DENND11: variants seen among roughly 807,000 people sequenced by gnomAD.
DENND11 encodes the protein DENN domain-containing protein 11.
In DENND11, 34 loss-of-function variants were observed where a neutral mutation model predicts 49.2. The ratio of observed to expected loss-of-function variants is 0.69; its 90% confidence interval spans 0.53 to 0.92. DENND11 has a LOEUF of 0.92. Among genes scored for constraint, DENND11 ranks in the 40% least tolerant of loss-of-function variants. DENND11 has a pLI of 0.00. For missense variants in DENND11, 475 were observed against 581.6 expected, an observed-to-expected ratio of 0.82 and a Z score of 1.88; for synonymous variants, 238 against 230.3, an observed-to-expected ratio of 1.03 and a Z score of -0.30.
chr7:141,661,606 CT>C lies in DENND11; in HGVS notation c.*1049del, dbSNP rs1797794699. On this transcript the variant is annotated 3_prime_UTR_variant, in exon 9 of 9. Transcript: ENST00000536163. Reference sequence around the variant, plus strand: ...TGAGGGGTCCAAAATGATAAACCGTCTTGTTAGCATCATGCTCCACCCTCTG... The same window carrying C: ...TGAGGGGTCCAAAATGATAAACCGTCTGTTAGCATCATGCTCCACCCTCTG... The C allele has an allele frequency of 6.6e-6, 1 of 152,240 alleles. No homozygotes were observed. Among genetic ancestry groups the C allele is most frequent in the South Asian group, 2.1e-4 (1 of 4,824 alleles). 9.4% of individuals were successfully genotyped at this position (152,240 alleles called of 1,614,324 possible).
intron 1 of DENND11, among the ~76,000 whole-genome samples, chr7:141,701,296 G>A (rs1381807382): frequency 6.6e-6 from 1 of 151,548 alleles, no homozygotes; most frequent in African/African-American, 2.4e-5. Flanking sequence ...TCAAAATAAT[G>A]CAGTCAGAGA....
rs1797765285 is a variant in DENND11, at chr7:141,660,028, T to C, written c.*2628A>G. 6.6e-6 allele frequency: 1 copy of C among 152,114 alleles called. No homozygotes were observed. Among genetic ancestry groups the C allele is most frequent in the Non-Finnish European group, 1.5e-5 (1 of 68,028 alleles). The allele number at this position is 152,114 out of a possible 1,614,324, so 9.4% of individuals were successfully genotyped here. The stretch of plus-strand genomic sequence containing the variant: ...ATCCTAGGTTGTGCCTGTTAATCTG[T>C]CATGTTGGGGAGCAGAATCTGGCAT... On this transcript the variant is annotated 3_prime_UTR_variant, in exon 9 of 9. Coordinates refer to ENST00000536163, the MANE Select transcript of DENND11 (RefSeq NM_001080392.2).
In DENND11 at chr7:141,657,031, A is replaced by G. The variant is rs1392765717; in HGVS notation, c.*5625T>C. 1.3e-5 allele frequency: 2 copies of G among 152,626 alleles called. No homozygotes were observed. Among genetic ancestry groups the G allele is most frequent in the Admixed American group, 1.3e-4 (2 of 15,282 alleles). 9.5% of individuals were successfully genotyped at this position (152,626 alleles called of 1,614,324 possible). ...ACTAATTTCATACTATGAGGTAAAG[A>G]CCCGAAACAAAAATAGATTCAGTCT... On this transcript the variant is annotated 3_prime_UTR_variant, in exon 9 of 9. Transcript: ENST00000536163.
intron 5 of DENND11, 88 bp from the exon 6 acceptor site, chr7:141,665,406 A>G (rs1797878586): frequency 1.3e-6 from 2 of 1,541,676 alleles, no homozygotes; most frequent in Non-Finnish European, 1.8e-6. Context: ...CCTCTGCTCC[A>G]GGCTATCTGG....
At chr7:141,663,015 C>T (rs1797828373) in intron 8 of DENND11, 164 bp from the exon 9 acceptor site, 1 of 535,200 alleles carries the variant, frequency 1.9e-6, no homozygotes, top group Non-Finnish European at 3.2e-6. Flanking sequence ...GTTAATTATT[C>T]AAGTGCTACT....
intron 3 of DENND11, among the ~76,000 whole-genome samples, chr7:141,682,976 ATT>A (rs1798171952): frequency 6.6e-6 from 1 of 151,894 alleles, no homozygotes; most frequent in East Asian, 1.9e-4. Context: ...CTGAGGAAAT[ATT>A]TTGAGTACAG....
rs1798029422 is a variant in DENND11, at chr7:141,674,199, T to A, written c.549A>T (p.Gly183=). ...NQVRHQLEMP[G]HYSHLAAFYE... Reference sequence around the variant, plus strand: ...AGAAGGCAGCCAGATGAGAGTAATGTCCTGGCATCTCCAACTGGTGCCTGC... The same window carrying A: ...AGAAGGCAGCCAGATGAGAGTAATGACCTGGCATCTCCAACTGGTGCCTGC... Residue 183 remains glycine, a synonymous_variant, in exon 4 of 9, where the codon GGA becomes GGT. Transcript: ENST00000536163. The A allele has an allele frequency of 6.5e-7, 1 of 1,547,016 alleles. No individual in the cohort carries two copies. The highest frequency in any genetic ancestry group is 8.7e-7 in the Non-Finnish European group (1 of 1,146,622).
intron 4 of DENND11, 44 bp from the exon 5 acceptor site, chr7:141,666,469 A>G (rs766414239): frequency 4.7e-6 from 7 of 1,500,002 alleles, no homozygotes; most frequent in Non-Finnish European, 6.3e-6. Context: ...AGTGAGGAAC[A>G]GCTTCTTAGA....
chr7:141,688,320 C>T (rs1438156539), intron 1 of DENND11, among the ~76,000 whole-genome samples: 1 of 152,160 alleles, frequency 6.6e-6, no homozygotes, highest in Non-Finnish European at 1.5e-5. Context: ...ATCAATGATC[C>T]CAGCCAAACA....
At chr7:141,699,279 A>G (rs1798467075) in intron 1 of DENND11, among the ~76,000 whole-genome samples, 3 of 152,080 alleles carry the variant, frequency 2.0e-5, no homozygotes, top group African/African-American at 7.2e-5. Context: ...CTGTGCCACT[A>G]TGGGCCTCAC....
chr7:141,663,994 T>A (rs981938224), intron 8 of DENND11, 178 bp downstream of exon 8: 3 of 497,988 alleles, frequency 6.0e-6, no homozygotes, highest in African/African-American at 5.7e-5. Flanking sequence ...GTCTTCTGGG[T>A]TCCCCCTAAT....
intron 1 of DENND11, among the ~76,000 whole-genome samples, chr7:141,693,530 A>G (rs1563005211): frequency 6.6e-6 from 1 of 152,222 alleles, no homozygotes; most frequent in Non-Finnish European, 1.5e-5. Context: ...ATCCACACAA[A>G]ACCTGCACAC....
chr7:141,665,426 A>G, intron 5 of DENND11, 108 bp from the exon 6 acceptor site: 2 of 1,465,796 alleles, frequency 1.4e-6, no homozygotes, highest in Non-Finnish European at 1.8e-6. Context: ...GTGCTTCAGG[A>G]TCCAGGTGGT....
chr7:141,696,568 G>A (rs1798417680), intron 1 of DENND11, among the ~76,000 whole-genome samples: 1 of 152,092 alleles, frequency 6.6e-6, no homozygotes. Context: ...CAGCTCCTCT[G>A]ACCTCAGGAG....
intron 2 of DENND11, 33 bp downstream of exon 2, chr7:141,686,526 G>A (rs762683162): frequency 7.3e-7 from 1 of 1,366,704 alleles, no homozygotes; most frequent in African/African-American, 1.4e-5. Flanking sequence ...GGGGGGAATG[G>A]TACGAAGATG....
At chr7:141,667,984 G>C (rs1272654130) in intron 4 of DENND11, among the ~76,000 whole-genome samples, 1 of 152,284 alleles carries the variant, frequency 6.6e-6, no homozygotes, top group African/African-American at 2.4e-5. Flanking sequence ...CCCTCCAATC[G>C]CTATTTCTCT....
Position 141,674,121 on chromosome 7 carries a change from C to G in DENND11, c.627G>C (p.Leu209=). The G allele has an allele frequency of 6.3e-7, 1 of 1,598,838 alleles. No individual in the cohort carries two copies. Among genetic ancestry groups the G allele is most frequent in the Non-Finnish European group, 8.5e-7 (1 of 1,172,832 alleles). ...TGGAAGGCAGCCAGTAGACAGGGGGCAGGCTGCTGCCTCTGCCGGGACCAG... is the reference window on the plus strand; with the variant it reads ...TGGAAGGCAGCCAGTAGACAGGGGGGAGGCTGCTGCCTCTGCCGGGACCAG... ...LHAGPGRGSS[L]PPVYWLPSIH... is the part of the protein sequence containing the mutation. Residue 209 remains leucine (L), a synonymous_variant, in exon 4 of 9, where the codon CTG becomes CTC. Transcript: ENST00000536163.
At chr7:141,693,180 A>G (rs908420054) in intron 1 of DENND11, among the ~76,000 whole-genome samples, 4 of 152,248 alleles carry the variant, frequency 2.6e-5, no homozygotes, top group African/African-American at 9.6e-5. Context: ...AAACAATCCA[A>G]CTTTTTAAAA....
intron 1 of DENND11, among the ~76,000 whole-genome samples, chr7:141,693,643 G>A (rs1191397623): frequency 6.6e-6 from 1 of 152,118 alleles, no homozygotes; most frequent in Non-Finnish European, 1.5e-5. Context: ...ATCCATACAA[G>A]GAAATACTCT....
Sources: allele counts gnomAD v4.1 joint callset (sites outside exome capture counted in the v4.1 genomes callset), GRCh38; gene constraint gnomAD v4.1.1; transcripts MANE v1.5; gene names NCBI Gene and HGNC (gene_info 2026-07-23, HGNC 2026-07-21).